NLN: variants seen among roughly 807,000 people sequenced by gnomAD.
The protein encoded by NLN is neurolysin, mitochondrial.
In NLN, 64 loss-of-function variants were observed where a neutral mutation model predicts 79.9. That is an observed-to-expected ratio of 0.80 (90% CI 0.65 to 0.99). The LOEUF (loss-of-function observed/expected upper bound fraction) is 0.99. NLN is among the 50% of genes least tolerant of loss of function. NLN has a pLI of 0.00. For synonymous variants in NLN, 267 were observed against 296.6 expected, an observed-to-expected ratio of 0.90 and a Z score of 1.02; for missense variants, 835 against 858.7, an observed-to-expected ratio of 0.97 and a Z score of 0.34.
intron 3 of NLN, among the ~76,000 whole-genome samples, chr5:65,771,244 T>C (rs191225912): frequency 6.6e-6 from 1 of 152,292 alleles, no homozygotes; most frequent in Admixed American, 6.5e-5. Flanking sequence ...TGGCCAAGTG[T>C]CAGAAGCCAG....
chr5:65,740,044 G>T (rs558841035), intron 1 of NLN, among the ~76,000 whole-genome samples: 1 of 152,104 alleles, frequency 6.6e-6, no homozygotes, highest in South Asian at 2.1e-4. Flanking sequence ...TCTGCTTGTG[G>T]GGTCATATCC....
chr5:65,725,720 T>C (rs1758453155), intron 1 of NLN, among the ~76,000 whole-genome samples: 1 of 152,240 alleles, frequency 6.6e-6, no homozygotes, highest in Non-Finnish European at 1.5e-5. Context: ...TTACTTGAAG[T>C]GACAATCTCA....
intron 2 of NLN, among the ~76,000 whole-genome samples, chr5:65,761,448 G>A (rs34984): frequency 0.56 from 85,351 of 151,668 alleles, 24,331 homozygotes; most frequent in South Asian, 0.6. Flanking sequence ...ATGCACCACC[G>A]TGCTCAGCTA....
intron 9 of NLN, among the ~76,000 whole-genome samples, chr5:65,808,207 A>T (rs1033339299): frequency 2.6e-5 from 4 of 152,080 alleles, no homozygotes; most frequent in Admixed American, 2.6e-4. Flanking sequence ...CAAGCAAAAC[A>T]TTTTTTTGCA....
chr5:65,797,209 T>A (rs1399889483), intron 9 of NLN, among the ~76,000 whole-genome samples: 2 of 152,220 alleles, frequency 1.3e-5, no homozygotes, highest in African/African-American at 4.8e-5. Flanking sequence ...CCTCTTAGCC[T>A]CCATTGTGAT....
Position 65,781,310 on chromosome 5 carries a change from C to T in NLN, c.711C>T (p.Asp237=). Residue 237 remains aspartate, a synonymous_variant, in exon 6 of 13, where the codon GAC becomes GAT. Coordinates refer to ENST00000380985, the MANE Select transcript of NLN (RefSeq NM_020726.5). ...FIDSLEKTDD[D]KYKITLKYPH... ...ACAGTTTAGAAAAGACAGATGATGACAAGTATAAAATTACCTTAAAATATC... is the reference window on the plus strand; with the variant it reads ...ACAGTTTAGAAAAGACAGATGATGATAAGTATAAAATTACCTTAAAATATC... 1 of 1,606,424 alleles carries T rather than the reference C, an allele frequency of 6.2e-7. No individual in the cohort carries two copies. Among genetic ancestry groups the T allele is most frequent in the Non-Finnish European group, 8.5e-7 (1 of 1,173,302 alleles).
At chr5:65,820,218 A>C (rs1016758277) in intron 12 of NLN, among the ~76,000 whole-genome samples, 3 of 152,174 alleles carry the variant, frequency 2.0e-5, no homozygotes, top group Non-Finnish European at 4.4e-5. Flanking sequence ...AATTTTCCTT[A>C]ATGTTTCTAT....
chr5:65,799,444 T>A (rs1760235628), intron 9 of NLN, among the ~76,000 whole-genome samples: 1 of 152,002 alleles, frequency 6.6e-6, no homozygotes, highest in Non-Finnish European at 1.5e-5. Context: ...TATCTTTGAG[T>A]TGTTTAAGTT....
chr5:65,803,391 G>C (rs1760332973), intron 9 of NLN, among the ~76,000 whole-genome samples: 1 of 152,224 alleles, frequency 6.6e-6, no homozygotes, highest in African/African-American at 2.4e-5. Context: ...TAGGGGCTGA[G>C]GCAGCAAGGG....
At chr5:65,744,484 T>TTC (rs1758932256) in intron 1 of NLN, among the ~76,000 whole-genome samples, 1 of 152,030 alleles carries the variant, frequency 6.6e-6, no homozygotes, top group African/African-American at 2.4e-5. Context: ...TTTTTTTTTT[T>TTC]TTTTGCTGAT....
intron 1 of NLN, among the ~76,000 whole-genome samples, chr5:65,727,233 T>A (rs1317876471): frequency 6.6e-6 from 1 of 152,182 alleles, no homozygotes; most frequent in South Asian, 2.1e-4. Flanking sequence ...TGGGGCATGA[T>A]CATGGCTCAC....
chr5:65,751,974 G>A (rs1462261010), intron 1 of NLN, among the ~76,000 whole-genome samples: 2 of 152,092 alleles, frequency 1.3e-5, no homozygotes, highest in Non-Finnish European at 1.5e-5. Flanking sequence ...GTGCAGTGGC[G>A]TATGCTTGTC....
intron 5 of NLN, among the ~76,000 whole-genome samples, chr5:65,780,663 C>A (rs1213370830): frequency 3.3e-5 from 5 of 151,628 alleles, no homozygotes; most frequent in Admixed American, 3.3e-4. Flanking sequence ...AGTCCTGGGT[C>A]TTTTTTCTTT....
At chr5:65,729,367 T>C (rs1758549717) in intron 1 of NLN, among the ~76,000 whole-genome samples, 2 of 140,254 alleles carry the variant, frequency 1.4e-5, no homozygotes, top group African/African-American at 5.2e-5. Flanking sequence ...AGGTTTTCTT[T>C]TCTTTTTTTT....
intron 12 of NLN, among the ~76,000 whole-genome samples, chr5:65,814,470 T>C (rs1760624034): frequency 6.6e-6 from 1 of 152,178 alleles, no homozygotes; most frequent in African/African-American, 2.4e-5. Context: ...ATCTCAAAAA[T>C]TCCAGCAGTC....
intron 3 of NLN, among the ~76,000 whole-genome samples, chr5:65,774,173 C>T (rs866714246): frequency 5.3e-5 from 8 of 150,340 alleles, no homozygotes; most frequent in African/African-American, 2.0e-4. Context: ...GTGAGAGATG[C>T]AGACAGGGAG....
intron 5 of NLN, among the ~76,000 whole-genome samples, chr5:65,780,926 C>T (rs1160812323): frequency 6.6e-6 from 1 of 152,196 alleles, no homozygotes; most frequent in Non-Finnish European, 1.5e-5. Context: ...CCCACTTCAG[C>T]CTCCCAAAGT....
chr5:65,795,175 G>A (rs1252691642), intron 9 of NLN, among the ~76,000 whole-genome samples: 1 of 152,098 alleles, frequency 6.6e-6, no homozygotes. Flanking sequence ...GCAACATGGT[G>A]AAAACCCATC....
chr5:65,741,685 G>A (rs1010844425), intron 1 of NLN, among the ~76,000 whole-genome samples: 1 of 152,160 alleles, frequency 6.6e-6, no homozygotes, highest in Admixed American at 6.5e-5. Context: ...AAAAATAAAA[G>A]GGGAATATCT....
Sources: allele counts gnomAD v4.1 joint callset (sites outside exome capture counted in the v4.1 genomes callset), GRCh38; gene constraint gnomAD v4.1.1; transcripts MANE v1.5; gene names NCBI Gene and HGNC (gene_info 2026-07-23, HGNC 2026-07-21).